ABCA13: variants seen among roughly 807,000 people sequenced by gnomAD.
ABCA13 encodes ATP-binding cassette sub-family A member 13.
A neutral mutation model predicts 478.7 loss-of-function variants in ABCA13; 476 were observed. The ratio of observed to expected loss-of-function variants is 0.99; its 90% CI spans 0.92 to 1.07. ABCA13 has a LOEUF of 1.07. Ranked by LOEUF, ABCA13 falls within the 50% of genes least tolerant of loss-of-function variation. The pLI is 0.00. For missense variants in ABCA13, 6,060 were observed against 5,910.6 expected (o/e 1.03, Z -0.83); for synonymous variants, 2,252 against 2,158.9 (o/e 1.04, Z -1.20).
intron 14 of ABCA13, among the ~76,000 whole-genome samples, chr7:48,248,799 G>T (rs993522260): frequency 4.6e-5 from 7 of 152,024 alleles, no homozygotes; most frequent in African/African-American, 1.2e-4. Context: ...CAGAAAATTC[G>T]CCTTGATTTT....
At position 48,558,151 on chromosome 7, in the gene ABCA13, ATCCCTCCC is replaced by A. The variant is rs905972097; in HGVS notation, c.14355-22055_14355-22048del. On this transcript the variant is annotated intron_variant, in intron 55 of 61. Coordinates refer to ENST00000435803, the MANE Select transcript of ABCA13 (RefSeq NM_152701.5). ...CCTTCCTTCCTTCCTTCCTTTCTCC[ATCCCTCCC>A]TCCCTCCCTCCCTCCCTTCCTCCCT... Among the ~76,000 whole-genome samples the A allele has an allele frequency of 1.8e-4, 18 of 99,348 alleles. No homozygotes were observed. The East Asian group carries it at 3.0e-3, about 17-fold the overall frequency. The allele number at this position is 99,348 out of a possible 152,430, so 65.2% of individuals were successfully genotyped here.
At chr7:48,527,238 T>A (rs17092931) in intron 54 of ABCA13, among the ~76,000 whole-genome samples, 18,168 of 151,784 alleles carry the variant, frequency 0.12, 1,303 homozygotes, top group East Asian at 0.17. Flanking sequence ...ATATTGCAAA[T>A]GGTGGGAGAG....
chr7:48,330,695 A>G (rs1035740512), intron 27 of ABCA13, among the ~76,000 whole-genome samples: 2 of 150,948 alleles, frequency 1.3e-5, no homozygotes, highest in African/African-American at 4.9e-5. Flanking sequence ...CTATCCATTC[A>G]TCCATCAATC....
chr7:48,520,404 A>AGAAC, intron 53 of ABCA13, 110 bp downstream of exon 53: 3 of 1,291,904 alleles, frequency 2.3e-6, no homozygotes, highest in Non-Finnish European at 2.1e-6. Flanking sequence ...GATCAGCATT[A>AGAAC]TACATAGTTC....
At chr7:48,330,283 ATCTG>A in intron 27 of ABCA13, among the ~76,000 whole-genome samples, 1 of 151,422 alleles carries the variant, frequency 6.6e-6, no homozygotes, top group African/African-American at 2.4e-5. Flanking sequence ...CCACACATCT[ATCTG>A]TCCATTCATC....
At chr7:48,596,138 G>A (rs907059801) in intron 58 of ABCA13, among the ~76,000 whole-genome samples, 5 of 152,240 alleles carry the variant, frequency 3.3e-5, no homozygotes, top group African/African-American at 1.2e-4. Flanking sequence ...CCTGTAACAA[G>A]TGTTACTGGC....
At chr7:48,645,060 G>C (rs1229812723) in intron 61 of ABCA13, among the ~76,000 whole-genome samples, 2 of 152,100 alleles carry the variant, frequency 1.3e-5, no homozygotes, top group African/African-American at 2.4e-5. Flanking sequence ...GACTTTTCGG[G>C]GGGGCTTCAC....
chr7:48,374,682 C>T (rs917066072), intron 34 of ABCA13, among the ~76,000 whole-genome samples: 2 of 152,142 alleles, frequency 1.3e-5, no homozygotes, highest in Admixed American at 6.5e-5. Flanking sequence ...TTCCTTATAC[C>T]ACCCTTGACG....
chr7:48,616,626 GGTTGAGCAT>G (rs1792601880), intron 59 of ABCA13, among the ~76,000 whole-genome samples: 1 of 152,154 alleles, frequency 6.6e-6, no homozygotes, highest in African/African-American at 2.4e-5. Context: ...GTGATATATG[GGTTGAGCAT>G]GAATTGTTAG....
chr7:48,176,845 T>A (rs998063863), intron 1 of ABCA13, among the ~76,000 whole-genome samples: 1 of 152,238 alleles, frequency 6.6e-6, no homozygotes, highest in Non-Finnish European at 1.5e-5. Flanking sequence ...AAGTTTCAAC[T>A]ACTTTCTTTT....
At chr7:48,198,208 A>T in intron 2 of ABCA13, 29 bp from the exon 3 acceptor site, 1 of 1,599,450 alleles carries the variant, frequency 6.3e-7, no homozygotes, top group Non-Finnish European at 8.5e-7. Flanking sequence ...AGGTATACGG[A>T]CTCATTTCTT....
At chr7:48,388,987 T>C in intron 36 of ABCA13, 53 bp from the exon 37 acceptor site, 1 of 1,566,448 alleles carries the variant, frequency 6.4e-7, no homozygotes, top group Non-Finnish European at 8.7e-7. Context: ...ATATGAGCAT[T>C]ATTTTTAGGG....
At chr7:48,441,183 A>C (rs770222350) in intron 42 of ABCA13, among the ~76,000 whole-genome samples, 157 of 152,274 alleles carry the variant, frequency 1.0e-3, no homozygotes, top group Non-Finnish European at 2.0e-3. Context: ...TAGTAGATGT[A>C]ACTTAATCAC....
At chr7:48,524,472 G>T (rs1245969813) in intron 54 of ABCA13, 32 bp downstream of exon 54, 3 of 1,572,510 alleles carry the variant, frequency 1.9e-6, no homozygotes, top group African/African-American at 1.4e-5. Flanking sequence ...ATCTTCTTCT[G>T]TTGTGAACCT....
In ABCA13 at chr7:48,272,004, A is replaced by C; in HGVS notation, c.2338A>C (p.Ser780Arg). 3 of 1,613,666 alleles carry C rather than the reference A, an allele frequency of 1.9e-6. No individual in the cohort carries two copies. The highest frequency in any genetic ancestry group is 2.5e-6 in the Non-Finnish European group (3 of 1,179,716). ...ISSLWTNHLK[S>R]LKRDPSATDA... ...TTCTCTGTGGACAAATCATTTAAAA[A>C]GTTTAAAGAGAGACCCATCTGCCAC... Residue 780 changes from serine to arginine, a missense_variant, in exon 17 of 62, where the codon AGT becomes CGT. By Grantham distance (110) the Ser-to-Arg change is moderately radical (BLOSUM62 -1). Around this residue, in one of 3 missense-constraint regions of ABCA13, gnomAD observed 4,423 missense variants for 4,309.1 expected, o/e 1.03. Transcript: ENST00000435803.
intron 9 of ABCA13, among the ~76,000 whole-genome samples, chr7:48,240,477 A>G (rs1354732017): frequency 3.3e-5 from 5 of 152,236 alleles, no homozygotes; most frequent in African/African-American, 1.2e-4. Flanking sequence ...TCGTAAAATG[A>G]CACTTAGTAA....
rs189648921 is a variant in ABCA13, at chr7:48,188,971, G to T, written c.70-3988G>T. Reference sequence around the variant, plus strand: ...CTCTGCTGGTCGGAGCTTCCCTCCTGGAAGAGTAGGAGGGCTTTGTGGTGG... The same window carrying T: ...CTCTGCTGGTCGGAGCTTCCCTCCTTGAAGAGTAGGAGGGCTTTGTGGTGG... On this transcript the variant is annotated intron_variant, in intron 1 of 61. Transcript: ENST00000435803. Among the ~76,000 whole-genome samples, 6 of 152,226 alleles carry T rather than the reference G, an allele frequency of 3.9e-5. No homozygotes were observed. The East Asian group carries it at 1.2e-3, about 29-fold the overall frequency.
rs186683711 is a variant in ABCA13, at chr7:48,244,571, C to T, written c.1263-5C>T. ...TTTATTTCATTTATTTATTTTTGCC[C>T]TCAGATTACAGCATCTGTGGAAATT... On this transcript the variant is annotated splice_region_variant and splice_polypyrimidine_tract_variant and intron_variant, in intron 10 of 61. Coordinates refer to ENST00000435803, the MANE Select transcript of ABCA13 (RefSeq NM_152701.5). 6.2e-7 allele frequency: 1 copy of T among 1,610,822 alleles called. No individual in the cohort carries two copies. The highest frequency in any genetic ancestry group is 1.7e-5 in the Admixed American group (1 of 59,802).
At chr7:48,268,703 C>T (rs7797546) in intron 15 of ABCA13, among the ~76,000 whole-genome samples, 106,226 of 151,972 alleles carry the variant, frequency 0.7, 37,591 homozygotes, top group East Asian at 0.99. Context: ...GCCTGGACTC[C>T]CTTAAAGCAG....
Sources: gnomAD v4.1 joint callset for allele counts (sites outside exome capture counted in the v4.1 genomes callset) on GRCh38, gnomAD v4.1.1 for gene constraint, gnomAD v4.1.1 regional missense constraint, MANE v1.5 for transcripts, NCBI Gene and HGNC (gene_info 2026-07-23, HGNC 2026-07-21) for gene names.